The following SPOCK1 variants were observed in gnomAD, a reference collection of about 807,000 sequenced individuals.
SPOCK1 encodes SPARC (osteonectin), cwcv and kazal like domains proteoglycan 1, also known as testican-1.
Under a neutral mutation model 55.3 loss-of-function variants are expected in SPOCK1, and 23 were observed. The observed-to-expected ratio is 0.42, with a 90% confidence interval of 0.30 to 0.59. SPOCK1 has a LOEUF of 0.59. SPOCK1 is among the 20% of genes least tolerant of loss of function. The pLI is 0.22. For synonymous variants in SPOCK1, 226 were observed against 221.0 expected (o/e 1.02, Z -0.20); for missense variants, 499 against 552.5 (o/e 0.90, Z 0.97).
chr5:137,144,552 G>C (rs1006579536), intron 3 of SPOCK1, among the ~76,000 whole-genome samples: 1 of 152,252 alleles, frequency 6.6e-6, no homozygotes, highest in Middle Eastern at 3.4e-3. Context: ...TCACCTCGCC[G>C]CATTTTGTTT....
At chr5:137,399,699 A>C (rs1261588062) in intron 2 of SPOCK1, among the ~76,000 whole-genome samples, 3 of 152,204 alleles carry the variant, frequency 2.0e-5, no homozygotes, top group Non-Finnish European at 4.4e-5. Context: ...AGCTTTGTGC[A>C]GTGATTAAAA....
chr5:137,254,851 G>T (rs1294654682), intron 3 of SPOCK1, among the ~76,000 whole-genome samples: 2 of 152,228 alleles, frequency 1.3e-5, no homozygotes, highest in Non-Finnish European at 2.9e-5. Context: ...CCACTTGGCT[G>T]AAGAGAGAAG....
intron 3 of SPOCK1, among the ~76,000 whole-genome samples, chr5:137,261,466 T>C (rs1409261797): frequency 2.0e-5 from 3 of 152,206 alleles, no homozygotes; most frequent in Non-Finnish European, 4.4e-5. Flanking sequence ...TGGTCAGGAT[T>C]TGAGTTTGTC....
At chr5:137,020,946 A>G (rs116508871) in intron 6 of SPOCK1, among the ~76,000 whole-genome samples, 1,535 of 152,214 alleles carry the variant, frequency 0.01, 28 homozygotes, top group African/African-American at 0.034. Context: ...TCATGCACTC[A>G]TGGTAGAAGC....
chr5:137,050,752 T>TA lies in SPOCK1; in HGVS notation c.589+16962dup, dbSNP rs541541876. ...ATTTTCTAAAGAAAATCCAAAATGA[T>TA]AAACTAAAAACTGTCAGAATCAAGA... is the stretch of plus-strand genomic sequence containing the variant. On this transcript the variant is annotated intron_variant, in intron 6 of 10. Transcript: ENST00000394945. 1.6e-3 allele frequency among the ~76,000 whole-genome samples: 242 copies of TA among 152,312 alleles called. 2 individuals carry two copies. Among genetic ancestry groups the TA allele is most frequent in the African/African-American group, 5.5e-3 (227 of 41,570 alleles).
chr5:137,125,497 A>C (rs987031780), intron 4 of SPOCK1, among the ~76,000 whole-genome samples: 4 of 152,142 alleles, frequency 2.6e-5, no homozygotes, highest in Non-Finnish European at 5.9e-5. Flanking sequence ...TTAGGTCATT[A>C]ACTCACCTCT....
chr5:137,369,956 A>G (rs1051410551), intron 2 of SPOCK1, among the ~76,000 whole-genome samples: 2 of 152,138 alleles, frequency 1.3e-5, no homozygotes, highest in Non-Finnish European at 2.9e-5. Flanking sequence ...GGAGGAACAC[A>G]ATTCTATCCA....
intron 3 of SPOCK1, among the ~76,000 whole-genome samples, chr5:137,263,739 G>T (rs554448167): frequency 3.9e-5 from 6 of 152,226 alleles, no homozygotes; most frequent in African/African-American, 1.4e-4. Context: ...CAAGACAAAA[G>T]GATATACTAC....
chr5:137,026,507 G>C (rs371833674), intron 6 of SPOCK1, among the ~76,000 whole-genome samples: 5 of 152,230 alleles, frequency 3.3e-5, no homozygotes, highest in East Asian at 3.9e-4. Flanking sequence ...TTCTTCCCTG[G>C]GTCTCCAGCC....
chr5:137,015,785 C>A (rs533046857), intron 6 of SPOCK1, among the ~76,000 whole-genome samples: 2 of 152,308 alleles, frequency 1.3e-5, no homozygotes, highest in African/African-American at 4.8e-5. Flanking sequence ...CTGTGGCCTG[C>A]CCCTCTGGAG....
At chr5:137,352,386 G>A (rs1350995341) in intron 2 of SPOCK1, among the ~76,000 whole-genome samples, 1 of 152,200 alleles carries the variant, frequency 6.6e-6, no homozygotes, top group Non-Finnish European at 1.5e-5. Flanking sequence ...AACAAATAAG[G>A]CACACCGTGC....
intron 2 of SPOCK1, among the ~76,000 whole-genome samples, chr5:137,309,063 T>G (rs971596660): frequency 6.6e-6 from 1 of 152,206 alleles, no homozygotes; most frequent in East Asian, 1.9e-4. Context: ...TTGATTATTC[T>G]GTAATGAGTA....
chr5:137,243,995 C>T (rs1021177511), intron 3 of SPOCK1, among the ~76,000 whole-genome samples: 2 of 151,990 alleles, frequency 1.3e-5, no homozygotes, highest in African/African-American at 4.8e-5. Flanking sequence ...TGGCAATGGC[C>T]CTCTTTCCCA....
At chr5:137,289,614 C>A (rs967656197) in intron 2 of SPOCK1, among the ~76,000 whole-genome samples, 3 of 152,104 alleles carry the variant, frequency 2.0e-5, no homozygotes, top group African/African-American at 7.2e-5. Flanking sequence ...TCCTGCTCAA[C>A]AAGAGGAGGA....
intron 6 of SPOCK1, among the ~76,000 whole-genome samples, chr5:137,064,228 C>G (rs967405569): frequency 1.3e-5 from 2 of 152,186 alleles, no homozygotes; most frequent in Non-Finnish European, 2.9e-5. Flanking sequence ...AAGCCCTCAG[C>G]CCACTTCTAC....
In SPOCK1 at chr5:137,393,548, T is replaced by G. The variant is rs1751774234; in HGVS notation, c.186+104825A>C. ...GGCTGGTCGATTTGCAACAGATAGCTGGTATATACATCAAATGACATCAAG... is the reference window on the plus strand; with the variant it reads ...GGCTGGTCGATTTGCAACAGATAGCGGGTATATACATCAAATGACATCAAG... On this transcript the variant is annotated intron_variant, in intron 2 of 10. Coordinates refer to ENST00000394945, the MANE Select transcript of SPOCK1 (RefSeq NM_004598.4). 2.6e-5 allele frequency among the ~76,000 whole-genome samples: 4 copies of G among 152,332 alleles called. No individual in the cohort carries two copies. The South Asian group carries it at 8.3e-4, about 32-fold the overall frequency.
chr5:137,293,130 T>C (rs1469117058), intron 2 of SPOCK1, among the ~76,000 whole-genome samples: 1 of 122,660 alleles, frequency 8.2e-6, no homozygotes, highest in South Asian at 2.8e-4. Flanking sequence ...TTGATGCACA[T>C]TGTAGGCCAT....
chr5:137,282,697 G>C (rs183332958), intron 2 of SPOCK1, among the ~76,000 whole-genome samples: 1 of 152,320 alleles, frequency 6.6e-6, no homozygotes, highest in East Asian at 1.9e-4. Flanking sequence ...TTGGGCCAGA[G>C]AAAATCTCCA....
In SPOCK1 at chr5:137,396,938, C is replaced by T. The variant is rs566524932; in HGVS notation, c.186+101435G>A. 5.9e-5 allele frequency among the ~76,000 whole-genome samples: 9 copies of T among 152,194 alleles called. No individual in the cohort carries two copies. In the East Asian group the frequency reaches 7.7e-4, roughly 13 times the overall value. On this transcript the variant is annotated intron_variant, in intron 2 of 10. Coordinates refer to ENST00000394945, the MANE Select transcript of SPOCK1 (RefSeq NM_004598.4). ...AACTCGCTCTCCAAAGAGCCTTACG[C>T]GTTTATACTTTGAATGCTTAAAAAA...
Sources: gnomAD v4.1 joint callset for allele counts (sites outside exome capture counted in the v4.1 genomes callset) on GRCh38, gnomAD v4.1.1 for gene constraint, MANE v1.5 for transcripts, NCBI Gene and HGNC (gene_info 2026-07-23, HGNC 2026-07-21) for gene names.